Variants in TANGO6 observed in about 807,000 individuals in gnomAD.
The protein encoded by TANGO6 is transport and golgi organization 6 homolog.
A neutral mutation model predicts 114.2 loss-of-function variants in TANGO6; 90 were observed. The ratio of observed to expected loss-of-function variants is 0.79; its 90% CI spans 0.66 to 0.94. The LOEUF (loss-of-function observed/expected upper bound fraction) is 0.94. Among genes scored for constraint, TANGO6 ranks in the 40% least tolerant of loss-of-function variants. The pLI is 0.00. For synonymous variants in TANGO6, 477 were observed against 509.8 expected, an observed-to-expected ratio of 0.94 and a Z score of 0.87; for missense variants, 1,274 against 1,315.3, an observed-to-expected ratio of 0.97 and a Z score of 0.49.
At chr16:68,878,329 C>G in intron 6 of TANGO6, 49 bp downstream of exon 6, 1 of 1,532,286 alleles carries the variant, frequency 6.5e-7, no homozygotes, top group Non-Finnish European at 8.8e-7. Flanking sequence ...GGACCTTCTT[C>G]AGTATTTCAC....
At chr16:68,988,557 G>A (rs1411307879) in intron 15 of TANGO6, among the ~76,000 whole-genome samples, 1 of 151,792 alleles carries the variant, frequency 6.6e-6, no homozygotes. Context: ...AGAAATTTTT[G>A]TTTACCCATT....
chr16:68,973,815 G>C (rs1963734193), intron 14 of TANGO6: 1 of 580,592 alleles, frequency 1.7e-6, no homozygotes, highest in South Asian at 2.0e-5. Context: ...GATCGTATCA[G>C]GCTGGGACTA....
At chr16:69,081,122 A>G (rs1003852992) in intron 17 of TANGO6, among the ~76,000 whole-genome samples, 5 of 152,146 alleles carry the variant, frequency 3.3e-5, no homozygotes, top group African/African-American at 7.2e-5. Flanking sequence ...TGAGCGACAG[A>G]GCACAATTCC....
intron 17 of TANGO6, among the ~76,000 whole-genome samples, chr16:69,082,208 C>G (rs1960475309): frequency 6.6e-6 from 1 of 152,166 alleles, no homozygotes; most frequent in Non-Finnish European, 1.5e-5. Flanking sequence ...TGGTCTTAAA[C>G]TATCCTGACC....
intron 9 of TANGO6, among the ~76,000 whole-genome samples, chr16:68,906,792 CTTT>C (rs35841953): frequency 6.0e-5 from 8 of 132,964 alleles, no homozygotes; most frequent in South Asian, 4.8e-4. Context: ...GTTTCTTCTT[CTTT>C]TTTTTTTTTT....
In TANGO6 at chr16:68,857,102, G is replaced by A. The variant is rs181693257; in HGVS notation, c.95-2782G>A. On this transcript the variant is annotated intron_variant, in intron 1 of 17. Transcript: ENST00000261778. Reference sequence around the variant, plus strand: ...CCAGCCTGGGCGACAGAGCGAGACTGTCTCAAATAAAAAACAAAAACAAAA... The same window carrying A: ...CCAGCCTGGGCGACAGAGCGAGACTATCTCAAATAAAAAACAAAAACAAAA... 2.1e-3 allele frequency among the ~76,000 whole-genome samples: 316 copies of A among 152,154 alleles called. 5 individuals carry two copies. In the Middle Eastern group the frequency reaches 0.075, roughly 36 times the overall value.
chr16:69,009,085 T>C (rs1964122137), intron 15 of TANGO6, among the ~76,000 whole-genome samples: 2 of 140,688 alleles, frequency 1.4e-5, no homozygotes, highest in Non-Finnish European at 1.5e-5. Flanking sequence ...TTTTTTTTTT[T>C]TTTTTTTTTT....
chr16:68,978,187 G>T (rs1041104931), intron 15 of TANGO6, among the ~76,000 whole-genome samples: 1 of 152,062 alleles, frequency 6.6e-6, no homozygotes, highest in Non-Finnish European at 1.5e-5. Context: ...CAACATCAAC[G>T]TAACATGTAT....
chr16:68,845,780 G>A (rs75183235), intron 1 of TANGO6, among the ~76,000 whole-genome samples: 14,734 of 152,192 alleles, frequency 0.097, 811 homozygotes, highest in Non-Finnish European at 0.13. Context: ...TCCAAGTCTA[G>A]GCTGTGGTGA....
At chr16:68,929,636 A>G (rs77090429) in intron 13 of TANGO6, among the ~76,000 whole-genome samples, 236 of 152,356 alleles carry the variant, frequency 1.5e-3, no homozygotes, top group African/African-American at 5.0e-3. Flanking sequence ...ATCATGTAAT[A>G]TCTTCCAGAT....
intron 7 of TANGO6, chr16:68,900,120 A>C: frequency 3.6e-6 from 1 of 275,590 alleles, no homozygotes; most frequent in Admixed American, 5.1e-5. Context: ...CACAATAGGT[A>C]AATTAGGAAA....
chr16:68,940,795 CAG>C (rs1225676609), intron 14 of TANGO6, among the ~76,000 whole-genome samples: 1 of 152,124 alleles, frequency 6.6e-6, no homozygotes, highest in African/African-American at 2.4e-5. Context: ...AAACAGTGTA[CAG>C]AGTTATATTC....
intron 15 of TANGO6, among the ~76,000 whole-genome samples, chr16:69,006,356 T>G (rs1198689679): frequency 1.3e-5 from 2 of 152,198 alleles, no homozygotes; most frequent in Non-Finnish European, 2.9e-5. Flanking sequence ...TGTGAATATT[T>G]TTATATGTTG....
At chr16:68,859,660 G>A (rs756772024) in intron 1 of TANGO6, among the ~76,000 whole-genome samples, 3 of 152,198 alleles carry the variant, frequency 2.0e-5, no homozygotes, top group Non-Finnish European at 4.4e-5. Context: ...GAACTGTAAC[G>A]TTAGTACACT....
rs557350916 is a variant in TANGO6, at chr16:68,916,751, A to AG, written c.1993-2333dup. On this transcript the variant is annotated intron_variant, in intron 11 of 17. Coordinates refer to ENST00000261778, the MANE Select transcript of TANGO6 (RefSeq NM_024562.2). ...AAGTAACAGGTCATTTTTTATAAAG[A>AG]GTTTTTTTTTAGAGCAGTTTTAGAT... Among the ~76,000 whole-genome samples the AG allele has an allele frequency of 2.6e-4, 39 of 152,216 alleles. 1 individual carries two copies. The South Asian group carries it at 7.3e-3, about 28-fold the overall frequency.
At chr16:68,990,898 C>T (rs1032027826) in intron 15 of TANGO6, among the ~76,000 whole-genome samples, 9 of 152,150 alleles carry the variant, frequency 5.9e-5, no homozygotes, top group Admixed American at 2.0e-4. Context: ...AAAATTACTT[C>T]GGTCACTCTG....
chr16:68,935,936 T>G (rs1287351827), intron 14 of TANGO6, among the ~76,000 whole-genome samples: 1 of 152,132 alleles, frequency 6.6e-6, no homozygotes, highest in Non-Finnish European at 1.5e-5. Context: ...ATCCCAACAT[T>G]TTGGGAGGCT....
intron 7 of TANGO6, among the ~76,000 whole-genome samples, chr16:68,898,766 A>G (rs564179232): frequency 8.5e-5 from 13 of 152,288 alleles, no homozygotes; most frequent in Non-Finnish European, 1.6e-4. Flanking sequence ...TTCCCAGAAC[A>G]TACACCATGA....
At chr16:69,058,052 A>G (rs1323015605) in intron 17 of TANGO6, among the ~76,000 whole-genome samples, 1 of 152,100 alleles carries the variant, frequency 6.6e-6, no homozygotes, top group Non-Finnish European at 1.5e-5. Context: ...CTTGTCTACA[A>G]CCTGATTCGG....
Sources: gnomAD v4.1 joint callset for allele counts (sites outside exome capture counted in the v4.1 genomes callset) on GRCh38, gnomAD v4.1.1 for gene constraint, MANE v1.5 for transcripts, NCBI Gene and HGNC (gene_info 2026-07-23, HGNC 2026-07-21) for gene names.